RNF135: variants seen among roughly 807,000 people sequenced by gnomAD.
RNF135 encodes ring finger protein 135.
In RNF135, 46 loss-of-function variants were observed where a neutral mutation model predicts 41.9. That is an observed-to-expected ratio of 1.10 (90% CI 0.87 to 1.40). The LOEUF is 1.40. RNF135 is among the 40% of genes most tolerant of loss of function. The pLI is 0.00. For missense variants in RNF135, 539 were observed against 549.8 expected, an observed-to-expected ratio of 0.98 and a Z score of 0.20; for synonymous variants, 238 against 223.8, an observed-to-expected ratio of 1.06 and a Z score of -0.57.
At chr17:30,977,367 TTTTTG>T (rs568399698) in intron 1 of RNF135, among the ~76,000 whole-genome samples, 20 of 152,142 alleles carry the variant, frequency 1.3e-4, no homozygotes, top group East Asian at 3.9e-4. Flanking sequence ...ACTAGTGAGG[TTTTTG>T]TTTTGTTTTG....
chr17:30,989,148 T>A (rs563413034), intron 3 of RNF135, among the ~76,000 whole-genome samples: 4 of 151,286 alleles, frequency 2.6e-5, no homozygotes, highest in Admixed American at 6.6e-5. Flanking sequence ...GGTGAGAGGA[T>A]CTCTTGAGGC....
chr17:30,990,005 A>AAT (rs1907878358), intron 3 of RNF135, among the ~76,000 whole-genome samples: 1 of 151,184 alleles, frequency 6.6e-6, no homozygotes, highest in Non-Finnish European at 1.5e-5. Context: ...AAAAAAAAAA[A>AAT]GAATCATTTC....
intron 1 of RNF135, among the ~76,000 whole-genome samples, chr17:30,976,255 C>CG (rs764077900): frequency 2.5e-4 from 38 of 152,308 alleles, no homozygotes; most frequent in Non-Finnish European, 4.6e-4. Context: ...CCACCCGCCT[C>CG]GGCCTCCCAA....
chr17:30,979,240 A>ACCCCCCCC (rs1167968050), intron 1 of RNF135: 1 of 70,342 alleles, frequency 1.4e-5, no homozygotes, highest in African/African-American at 1.0e-4. Context: ...CGGGGGGCTG[A>ACCCCCCCC]CCCCCCCCCC....
At chr17:30,974,902 T>C (rs531033237) in intron 1 of RNF135, among the ~76,000 whole-genome samples, 7 of 152,052 alleles carry the variant, frequency 4.6e-5, no homozygotes, top group Admixed American at 2.0e-4. Context: ...GGTCTCAAAC[T>C]CTTGACCTCA....
At chr17:30,970,942 G>A (rs1234330706), upstream of RNF135, 4 of 1,264,750 alleles carry the variant, frequency 3.2e-6, no homozygotes, top group East Asian at 7.8e-5. Flanking sequence ...GAGACGGGGT[G>A]GCGCCAAGGA....
At chr17:30,975,798 A>G (rs1906395802) in intron 1 of RNF135, 14 of 1,038,292 alleles carry the variant, frequency 1.3e-5, no homozygotes, top group Non-Finnish European at 2.0e-5. Context: ...CCCAACATCA[A>G]GGTCCCTGCA....
At chr17:30,979,403 C>G (rs1454669854) in intron 1 of RNF135, among the ~76,000 whole-genome samples, 14 of 107,484 alleles carry the variant, frequency 1.3e-4, no homozygotes, top group African/African-American at 4.6e-4. Context: ...GGCGGCTGGC[C>G]GGGCAGAGGG....
At chr17:30,983,747 A>G (rs1347952572) in intron 1 of RNF135, among the ~76,000 whole-genome samples, 1 of 150,912 alleles carries the variant, frequency 6.6e-6, no homozygotes, top group Non-Finnish European at 1.5e-5. Context: ...TTCCCACACC[A>G]TCAACATTTG....
rs1034055337 is a variant in RNF135 at position 30,999,294 on chromosome 17, G to C, written c.*103G>C. 3.1e-6 allele frequency: 4 copies of C among 1,289,736 alleles called. No individual in the cohort carries two copies. Among genetic ancestry groups the C allele is most frequent in the Admixed American group, 1.9e-5 (1 of 52,150 alleles). The allele number at this position is 1,289,736 out of a possible 1,614,324, so 79.9% of individuals were successfully genotyped here. On this transcript the variant is annotated 3_prime_UTR_variant, in exon 5 of 5. Coordinates refer to ENST00000328381, the MANE Select transcript of RNF135 (RefSeq NM_032322.4). ...GAATACCACTTTTTAGAAAAATTAC[G>C]ATAGAGATGGGATCTCACTAGGTTG...
intron 3 of RNF135, among the ~76,000 whole-genome samples, chr17:30,988,778 T>C (rs947395314): frequency 2.7e-5 from 4 of 148,790 alleles, no homozygotes; most frequent in Non-Finnish European, 6.0e-5. Context: ...TTAATAATTT[T>C]GTTTTGTTTT....
upstream of RNF135, chr17:30,970,846 G>A (rs1905830984): frequency 1.6e-6 from 1 of 619,904 alleles, no homozygotes; most frequent in Non-Finnish European, 2.7e-6. Flanking sequence ...GTTTCCCAGG[G>A]CAAGAGGCCG....
At chr17:30,987,491 C>T (rs1016977665) in intron 2 of RNF135, among the ~76,000 whole-genome samples, 5 of 152,180 alleles carry the variant, frequency 3.3e-5, no homozygotes, top group African/African-American at 1.2e-4. Flanking sequence ...CTCAGCCTTC[C>T]AAAGTGCTGG....
At chr17:30,989,781 C>A (rs898906956) in intron 3 of RNF135, among the ~76,000 whole-genome samples, 11 of 152,026 alleles carry the variant, frequency 7.2e-5, no homozygotes, top group African/African-American at 2.4e-4. Context: ...GTGTGGATCA[C>A]CTGAGGTCAA....
At chr17:30,969,750 CTT>C (rs1242518243), upstream of RNF135, among the ~76,000 whole-genome samples, 3 of 141,890 alleles carry the variant, frequency 2.1e-5, no homozygotes, top group South Asian at 2.3e-4. Flanking sequence ...TCTTTTCTTT[CTT>C]TTTTTTCTTT....
Position 30,971,138 on chromosome 17 carries a change from T to C in RNF135, c.65T>C (p.Ile22Thr). Residue 22 changes from isoleucine (I) to threonine (T), a missense_variant, in exon 1 of 5, where the codon ATC (isoleucine) becomes ACC (threonine). Around this residue, in one of 2 missense-constraint regions of RNF135, gnomAD observed 277 missense variants for 212.8 expected, o/e 1.30. Coordinates refer to ENST00000328381, the MANE Select transcript of RNF135 (RefSeq NM_032322.4). ...CTGGCCGAGGACGACCTCGGCTGCATCATCTGCCAGGGGCTGCTGGACTGG... is the reference window on the plus strand; with the variant it reads ...CTGGCCGAGGACGACCTCGGCTGCACCATCTGCCAGGGGCTGCTGGACTGG... ...VWLAEDDLGC[I>T]ICQGLLDWPA... The C allele has an allele frequency of 6.5e-7, 1 of 1,534,148 alleles. No individual in the cohort carries two copies. The highest frequency in any genetic ancestry group is 2.0e-5 in the Admixed American group (1 of 50,940).
Position 30,998,606 on chromosome 17 carries a change from T to G in RNF135, c.770-56T>G, listed in dbSNP as rs79533578. On this transcript the variant is annotated intron_variant, in intron 4 of 4. Transcript: ENST00000328381. ...GTTGCTATTTGAAGACTTCTTAGCA[T>G]GGACCATCAAAAGATGACCGGCCAT... 71,242 of 1,561,798 alleles carry G rather than the reference T, an allele frequency of 0.046. 1,950 individuals are homozygous for G. Among genetic ancestry groups the G allele is most frequent in the Non-Finnish European group, 0.053 (60,427 of 1,133,994 alleles).
At chr17:30,988,920 CTTTCTT>C (rs1907796299) in intron 3 of RNF135, among the ~76,000 whole-genome samples, 2 of 119,726 alleles carry the variant, frequency 1.7e-5, no homozygotes, top group African/African-American at 6.8e-5. Context: ...TCTTTTCTTT[CTTTCTT>C]TTTTTTTTTT....
chr17:30,959,690 A>G, the RNF135 span: 1 of 152,148 alleles, frequency 6.6e-6, no homozygotes, highest in Admixed American at 6.6e-5. Context: ...TTTGGCATCA[A>G]CATGGTGACC....
Sources: allele counts gnomAD v4.1 joint callset (sites outside exome capture counted in the v4.1 genomes callset), GRCh38; gene constraint gnomAD v4.1.1; regional missense constraint gnomAD v4.1.1; transcripts MANE v1.5; gene names NCBI Gene and HGNC (gene_info 2026-07-23, HGNC 2026-07-21).